The following IL1RAPL1 variants were observed in gnomAD, a reference collection of about 807,000 sequenced individuals.
IL1RAPL1 encodes interleukin 1 receptor accessory protein like 1.
In IL1RAPL1, 3 loss-of-function variants were observed where a neutral mutation model predicts 48.4. The observed-to-expected ratio is 0.06, with a 90% CI of 0.03 to 0.16. IL1RAPL1 has a LOEUF of 0.16. IL1RAPL1 is among the 10% of genes least tolerant of loss of function. IL1RAPL1 has a pLI of 1.00. For missense variants in IL1RAPL1, 349 were observed against 530.6 expected, an observed-to-expected ratio of 0.66 and a Z score of 3.36; for synonymous variants, 185 against 187.7, an observed-to-expected ratio of 0.99 and a Z score of 0.12.
In IL1RAPL1 at chrX:29,763,050, G is replaced by T. The variant is rs368039146; in HGVS notation, c.778+94546G>T. ...CTAAAGTGATAAGAAAAAGTTTTTTGTTTTTTTTTTTTTTGAGCAAAACTG... is the reference window on the plus strand; with the variant it reads ...CTAAAGTGATAAGAAAAAGTTTTTTTTTTTTTTTTTTTTTGAGCAAAACTG... On this transcript the variant is annotated intron_variant, in intron 6 of 10. Coordinates refer to ENST00000378993, the MANE Select transcript of IL1RAPL1 (RefSeq NM_014271.4). Among the ~76,000 whole-genome samples, 925 of 94,054 alleles carry T rather than the reference G, an allele frequency of 9.8e-3. 5 individuals carry two copies. The highest frequency in any genetic ancestry group is 0.013 in the Non-Finnish European group (617 of 46,127). The allele number at this position is 94,054 out of a possible 115,157, so 81.7% of individuals were successfully genotyped here. A position where few individuals can be genotyped will look rare whatever the true frequency, so the allele number is the denominator to read the frequency against.
intron 3 of IL1RAPL1, among the ~76,000 whole-genome samples, chrX:29,287,291 G>A (rs1331716846): frequency 8.9e-6 from 1 of 111,748 alleles, no homozygotes; most frequent in Admixed American, 9.5e-5. Flanking sequence ...TTGCTGTGTA[G>A]TATTCCATGG....
At chrX:29,912,405 T>TA (rs1293194721) in intron 6 of IL1RAPL1, among the ~76,000 whole-genome samples, 1 of 112,065 alleles carries the variant, frequency 8.9e-6, no homozygotes, top group African/African-American at 3.2e-5. Flanking sequence ...CAAGATGCTG[T>TA]AATGGGTCCT....
At chrX:28,682,946 G>A (rs1294037316) in intron 1 of IL1RAPL1, among the ~76,000 whole-genome samples, 1 of 111,991 alleles carries the variant, frequency 8.9e-6, no homozygotes, top group Non-Finnish European at 1.9e-5. Flanking sequence ...AGGAGTGTTA[G>A]TGATCTTATC....
At chrX:28,745,720 C>G (rs1935968117) in intron 1 of IL1RAPL1, among the ~76,000 whole-genome samples, 1 of 111,356 alleles carries the variant, frequency 9.0e-6, no homozygotes, top group Admixed American at 9.6e-5. Context: ...TGCACATAAA[C>G]ATTTTGAAGT....
chrX:28,991,504 G>A (rs1364724980), intron 2 of IL1RAPL1, among the ~76,000 whole-genome samples: 1 of 111,802 alleles, frequency 8.9e-6, no homozygotes, highest in Admixed American at 9.5e-5. Flanking sequence ...TGTCAGATAT[G>A]TATCTCATCT....
chrX:28,735,544 G>A (rs1423266016), intron 1 of IL1RAPL1, among the ~76,000 whole-genome samples: 1 of 110,692 alleles, frequency 9.0e-6, no homozygotes, highest in African/African-American at 3.3e-5. Flanking sequence ...TTGGGAGGCC[G>A]AGGTGGAAGG....
At chrX:29,471,864 A>T (rs977810490) in intron 5 of IL1RAPL1, among the ~76,000 whole-genome samples, 1 of 111,555 alleles carries the variant, frequency 9.0e-6, no homozygotes, top group Admixed American at 9.5e-5. Context: ...CTCATCCATG[A>T]AATGTCTCAG....
chrX:29,497,128 A>G (rs772477597), intron 5 of IL1RAPL1, among the ~76,000 whole-genome samples: 1 of 112,206 alleles, frequency 8.9e-6, no homozygotes, highest in Non-Finnish European at 1.9e-5. Flanking sequence ...TTATAATTTC[A>G]TTATTGAGTT....
At chrX:28,936,261 GA>G (rs754021382) in intron 2 of IL1RAPL1, among the ~76,000 whole-genome samples, 1 of 110,586 alleles carries the variant, frequency 9.0e-6, no homozygotes, top group African/African-American at 3.3e-5. Flanking sequence ...TTCTCTATGG[GA>G]AAAAATAGCA....
chrX:29,860,573 T>C (rs1275203164), intron 6 of IL1RAPL1, among the ~76,000 whole-genome samples: 1 of 111,037 alleles, frequency 9.0e-6, no homozygotes, highest in Non-Finnish European at 1.9e-5. Context: ...TGTGTTCTCA[T>C]TGTTCAGCTT....
chrX:29,835,265 A>G (rs930642964), intron 6 of IL1RAPL1, among the ~76,000 whole-genome samples: 1 of 112,103 alleles, frequency 8.9e-6, no homozygotes, highest in African/African-American at 3.2e-5. Context: ...AATTACATGT[A>G]TTTATCATGT....
chrX:29,626,742 A>T (rs745838332), intron 5 of IL1RAPL1, among the ~76,000 whole-genome samples: 3 of 112,265 alleles, frequency 2.7e-5, no homozygotes, highest in South Asian at 7.4e-4. Context: ...CAGTGGTTCC[A>T]GTTCACCCCA....
chrX:28,615,135 G>A lies in IL1RAPL1; in HGVS notation c.-25+27088G>A, dbSNP rs764876094. 3.3e-3 allele frequency among the ~76,000 whole-genome samples: 346 copies of A among 103,359 alleles called. 1 individual carries two copies. The highest frequency in any genetic ancestry group is 0.012 in the African/African-American group (321 of 27,592). 89.8% of individuals were successfully genotyped at this position (103,359 alleles called of 115,157 possible). A position where few individuals can be genotyped will look rare whatever the true frequency, so the allele number is the denominator to read the frequency against. On this transcript the variant is annotated intron_variant, in intron 1 of 10. Transcript: ENST00000378993. ...GACCTCCTGACCTCGTGATCTGCCC[G>A]CCTTGGCCTCCTAAAGTGCTGAGAT...
rs1046840777 is a variant in IL1RAPL1 at position 29,091,192 on chromosome X, T to G, written c.83-191746T>G. ...TGCATATACCACACACATATAAACA[T>G]AATGCATAGAGATATGCTCACCTGC... On this transcript the variant is annotated intron_variant, in intron 2 of 10. Transcript: ENST00000378993. Among the ~76,000 whole-genome samples, 4 of 112,264 alleles carry G rather than the reference T, an allele frequency of 3.6e-5. No individual in the cohort carries two copies. In the Admixed American group the frequency reaches 3.8e-4, roughly 11 times the overall value.
chrX:29,884,693 C>G (rs752745098), intron 6 of IL1RAPL1, among the ~76,000 whole-genome samples: 2 of 111,677 alleles, frequency 1.8e-5, no homozygotes, highest in South Asian at 7.5e-4. Context: ...ACACTCCAAA[C>G]TCCATATGTT....
rs1933420233 is a variant in IL1RAPL1 at position 29,956,262 on chromosome X, A to G, written c.*442A>G. 1 of 122,503 alleles carries G rather than the reference A, an allele frequency of 8.2e-6. No individual in the cohort carries two copies. The highest frequency in any genetic ancestry group is 1.6e-5 in the Non-Finnish European group (1 of 63,345). 10.1% of individuals were successfully genotyped at this position (122,503 alleles called of 1,213,427 possible). On this transcript the variant is annotated 3_prime_UTR_variant, in exon 11 of 11. Transcript: ENST00000378993. ...CCGGATTCTTTCTCGGGTTCTGCCT[A>G]GCATCAACTGGGCCACGTCGGCCTT...
At chrX:29,692,164 A>T (rs113719873) in intron 6 of IL1RAPL1, among the ~76,000 whole-genome samples, 1 of 112,192 alleles carries the variant, frequency 8.9e-6, no homozygotes, top group African/African-American at 3.2e-5. Flanking sequence ...AACACCTGCA[A>T]CTATAGCTGA....
intron 3 of IL1RAPL1, among the ~76,000 whole-genome samples, chrX:29,329,983 G>A (rs995972227): frequency 1.8e-5 from 2 of 110,912 alleles, no homozygotes; most frequent in Non-Finnish European, 3.8e-5. Flanking sequence ...CTGTTACAGG[G>A]CTGCTGCTGG....
At chrX:29,075,968 T>C (rs1249675679) in intron 2 of IL1RAPL1, among the ~76,000 whole-genome samples, 1 of 111,617 alleles carries the variant, frequency 9.0e-6, no homozygotes, top group Non-Finnish European at 1.9e-5. Context: ...TTTTAACAAA[T>C]ATACCTAAAT....
Sources: allele counts gnomAD v4.1 joint callset (sites outside exome capture counted in the v4.1 genomes callset), GRCh38; gene constraint gnomAD v4.1.1; transcripts MANE v1.5; gene names NCBI Gene and HGNC (gene_info 2026-07-23, HGNC 2026-07-21).